Variants in INO80 observed in about 807,000 individuals in gnomAD.
INO80 encodes the protein INO80 complex ATPase subunit.
In INO80, 20 loss-of-function variants were observed where a neutral mutation model predicts 203.4. That is an observed-to-expected ratio of 0.10 (90% confidence interval 0.07 to 0.14). The LOEUF is 0.14. Among genes scored for constraint, INO80 ranks in the 10% least tolerant of loss-of-function variants. The probability of loss-of-function intolerance (pLI) is 1.00; values close to 1 mark genes in which losing one functional copy is unlikely to be tolerated. For missense variants in INO80, 1,419 were observed against 1,914.4 expected, an observed-to-expected ratio of 0.74 and a Z score of 4.83; for synonymous variants, 726 against 685.2, an observed-to-expected ratio of 1.06 and a Z score of -0.93.
At chr15:41,070,694 T>C (rs1251767222) in intron 12 of INO80, 147 bp from the exon 13 acceptor site, 2 of 659,416 alleles carry the variant, frequency 3.0e-6, no homozygotes, top group Non-Finnish European at 5.4e-6. Context: ...CCCACTGCTA[T>C]AGTAATTGCT....
chr15:41,009,985 G>C (rs1210761618), intron 27 of INO80, among the ~76,000 whole-genome samples: 5 of 152,114 alleles, frequency 3.3e-5, no homozygotes, highest in African/African-American at 1.2e-4. Context: ...ATAGATAAAA[G>C]CATCGCTATC....
At chr15:41,016,686 CCTCT>C (rs1474581164) in intron 26 of INO80, 1 of 152,388 alleles carries the variant, frequency 6.6e-6, no homozygotes, top group Non-Finnish European at 1.5e-5. Context: ...AGATTTATAA[CCTCT>C]CTCTTTTTTT....
At chr15:41,006,736 C>T (rs1401310606) in intron 27 of INO80, among the ~76,000 whole-genome samples, 1 of 152,178 alleles carries the variant, frequency 6.6e-6, no homozygotes. Context: ...TGAAGCGAAG[C>T]TGGTCAACAA....
intron 23 of INO80, among the ~76,000 whole-genome samples, chr15:41,046,047 C>G (rs1160975832): frequency 1.3e-5 from 2 of 151,450 alleles, no homozygotes; most frequent in African/African-American, 4.9e-5. Flanking sequence ...GCTGCAATCA[C>G]TAACTAAATG....
chr15:41,108,967 T>A (rs2045921029), intron 1 of INO80: 2 of 158,402 alleles, frequency 1.3e-5, no homozygotes, highest in African/African-American at 4.8e-5. Flanking sequence ...ATCTCCACGG[T>A]CTCTTTGGAA....
chr15:41,025,319 T>C (rs2044359230), intron 25 of INO80, among the ~76,000 whole-genome samples: 1 of 152,172 alleles, frequency 6.6e-6, no homozygotes, highest in East Asian at 1.9e-4. Flanking sequence ...TGGTGGGTTA[T>C]AGATATTTGG....
At chr15:40,985,299 C>T (rs1275504421) in intron 32 of INO80, 39 bp downstream of exon 32, 12 of 1,455,506 alleles carry the variant, frequency 8.2e-6, no homozygotes, top group Non-Finnish European at 1.1e-5. Flanking sequence ...GTACCCCAGG[C>T]CCCATTAGCC....
intron 1 of INO80, among the ~76,000 whole-genome samples, chr15:41,100,089 T>TA (rs2140679770): frequency 6.6e-6 from 1 of 151,336 alleles, no homozygotes; most frequent in African/African-American, 2.4e-5. Context: ...TTTCTTTTCT[T>TA]TTTTTTTTGA....
chr15:41,115,857 A>T, intron 1 of INO80, 116 bp downstream of exon 1: 1 of 372,178 alleles, frequency 2.7e-6, no homozygotes, highest in Admixed American at 4.6e-5. Context: ...AACAAATCCA[A>T]GGGCCGGGGG....
chr15:40,991,210 G>A (rs12905926), intron 29 of INO80, among the ~76,000 whole-genome samples: 69,379 of 152,088 alleles, frequency 0.46, 17,672 homozygotes, highest in East Asian at 0.7. Context: ...CTCCAAATAT[G>A]GAAGATATTT....
At chr15:41,059,994 A>T in intron 14 of INO80, 68 bp from the exon 15 acceptor site, 1 of 1,037,682 alleles carries the variant, frequency 9.6e-7, no homozygotes, top group South Asian at 1.5e-5. Context: ...ACAAATATAT[A>T]ATTCGGAACA....
intron 35 of INO80, among the ~76,000 whole-genome samples, chr15:40,982,402 G>C (rs1180249759): frequency 6.6e-6 from 1 of 152,162 alleles, no homozygotes; most frequent in Non-Finnish European, 1.5e-5. Flanking sequence ...GCCTGCCTCA[G>C]TCTCCCAAAG....
At position 40,983,955 on chromosome 15, in the gene INO80, C is replaced by T. The variant is rs772040355; in HGVS notation, c.4078-34G>A. 3.7e-6 allele frequency: 6 copies of T among 1,605,362 alleles called. No homozygotes were observed. In the African/African-American group the frequency reaches 6.7e-5, roughly 18 times the overall value. On this transcript the variant is annotated intron_variant, in intron 33 of 35. Transcript: ENST00000648947. ...GGAAGGGTTAAGATCATTACGACCC[C>T]CTGTGCTCACCGCCCATGGCCTTGC...
rs771356698 is a variant in INO80, at chr15:41,003,329, C to CTTTTTTTTTTTTTTTTTTTTT, written c.3497+2263_3497+2264insAAAAAAAAAAAAAAAAAAAAA. On this transcript the variant is annotated intron_variant, in intron 28 of 35. Transcript: ENST00000648947. ...TGGGATTGTGGGTGATTTTTCTTTT[C>CTTTTTTTTTTTTTTTTTTTTT]TTTTCTTTTTTTTTTTTTTGAGATG... Among the ~76,000 whole-genome samples, 4 of 107,576 alleles carry CTTTTTTTTTTTTTTTTTTTTT rather than the reference C, an allele frequency of 3.7e-5. 2 individuals carry two copies. Among genetic ancestry groups the CTTTTTTTTTTTTTTTTTTTTT allele is most frequent in the Non-Finnish European group, 7.5e-5 (4 of 53,386 alleles). 70.6% of individuals were successfully genotyped at this position (107,576 alleles called of 152,430 possible). A position where few individuals can be genotyped will look rare whatever the true frequency, so the allele number is the denominator to read the frequency against.
In INO80 at chr15:41,085,357, G is replaced by T; in HGVS notation, c.873+12C>A. The T allele has an allele frequency of 6.2e-7, 1 of 1,609,486 alleles. No individual in the cohort carries two copies. Among genetic ancestry groups the T allele is most frequent in the Admixed American group, 1.7e-5 (1 of 59,966 alleles). ...TTCTCCTAATTTCCATCTCCTGGAGGCATTCACTTACCTTTGGTAGTTCCT... is the reference window on the plus strand; with the variant it reads ...TTCTCCTAATTTCCATCTCCTGGAGTCATTCACTTACCTTTGGTAGTTCCT... On this transcript the variant is annotated intron_variant, in intron 7 of 35. Coordinates refer to ENST00000648947, the MANE Select transcript of INO80 (RefSeq NM_017553.3).
chr15:41,074,323 T>TA, intron 10 of INO80, 47 bp downstream of exon 10: 1 of 1,415,374 alleles, frequency 7.1e-7, no homozygotes. Flanking sequence ...CCTTTAGATA[T>TA]AAAAAATAAG....
intron 26 of INO80, among the ~76,000 whole-genome samples, chr15:41,020,148 G>T (rs1325165257): frequency 6.6e-6 from 1 of 152,096 alleles, no homozygotes; most frequent in Non-Finnish European, 1.5e-5. Flanking sequence ...TTGAACCCAG[G>T]AGGCGGGGCT....
At chr15:41,083,219 A>C (rs1047514203) in intron 7 of INO80, among the ~76,000 whole-genome samples, 3 of 147,516 alleles carry the variant, frequency 2.0e-5, no homozygotes, top group African/African-American at 7.5e-5. Context: ...CGGGAGGCGG[A>C]GCTTGCAGTG....
chr15:41,089,675 G>A (rs1278438668), intron 5 of INO80, among the ~76,000 whole-genome samples: 4 of 151,974 alleles, frequency 2.6e-5, no homozygotes, highest in Admixed American at 2.0e-4. Context: ...CTCAGAAGGC[G>A]GAGGTGGCAG....
Sources: allele counts gnomAD v4.1 joint callset (sites outside exome capture counted in the v4.1 genomes callset), GRCh38; gene constraint gnomAD v4.1.1; transcripts MANE v1.5; gene names NCBI Gene and HGNC (gene_info 2026-07-23, HGNC 2026-07-21).